Variants in SYNPO2 observed in about 807,000 individuals in gnomAD.
The protein encoded by SYNPO2 is synaptopodin 2, also known as synaptopodin-2.
A neutral mutation model predicts 85.0 loss-of-function variants in SYNPO2; 56 were observed. The ratio of observed to expected loss-of-function variants is 0.66; its 90% CI spans 0.53 to 0.82. The LOEUF is 0.82. SYNPO2 is among the 40% of genes least tolerant of loss of function. The probability of loss-of-function intolerance (pLI) is 0.00; values close to 1 mark genes in which losing one functional copy is unlikely to be tolerated. For synonymous variants in SYNPO2, 602 were observed against 591.1 expected, an observed-to-expected ratio of 1.02 and a Z score of -0.27; for missense variants, 1,575 against 1,534.2, an observed-to-expected ratio of 1.03 and a Z score of -0.44.
At chr4:118,875,077 C>T (rs1731879063) in intron 1 of SYNPO2, among the ~76,000 whole-genome samples, 1 of 152,184 alleles carries the variant, frequency 6.6e-6, no homozygotes, top group Admixed American at 6.5e-5. Context: ...TCTCATCATT[C>T]AGCTCCCACT....
chr4:119,034,992 T>C, intron 4 of SYNPO2: 6 of 985,474 alleles, frequency 6.1e-6, no homozygotes, highest in Non-Finnish European at 7.2e-6. Flanking sequence ...CCTTTGTCCT[T>C]AGCATAATTT....
intron 1 of SYNPO2, among the ~76,000 whole-genome samples, chr4:118,994,002 G>A (rs1736499331): frequency 6.6e-6 from 1 of 152,176 alleles, no homozygotes; most frequent in African/African-American, 2.4e-5. Flanking sequence ...CCCCTGAGCT[G>A]ATTAATAGTT....
At chr4:119,038,335 C>A in intron 4 of SYNPO2, 1 of 984,326 alleles carries the variant, frequency 1.0e-6, no homozygotes, top group South Asian at 4.7e-5. Flanking sequence ...AAAGTGAAAA[C>A]CCATCTCTGA....
intron 1 of SYNPO2, among the ~76,000 whole-genome samples, chr4:119,000,971 CAGTGA>C (rs1304259668): frequency 2.0e-5 from 3 of 152,206 alleles, no homozygotes; most frequent in African/African-American, 4.8e-5. Flanking sequence ...CATATGAGTG[CAGTGA>C]AGTGAAGTTA....
chr4:118,879,459 G>T lies in SYNPO2; in HGVS notation c.12+28519G>T, dbSNP rs1314658036. On this transcript the variant is annotated intron_variant, in intron 1 of 4. Coordinates refer to the SYNPO2 transcript ENST00000610556. ...ATAGAGCCCTTGTGAATGGATTAGT[G>T]CCCCTGTAAGACGAGAGACACAAGA... is the stretch of plus-strand genomic sequence containing the variant. 2.0e-5 allele frequency among the ~76,000 whole-genome samples: 3 copies of T among 152,154 alleles called. No individual in the cohort carries two copies. The East Asian group carries it at 5.8e-4, about 29-fold the overall frequency.
At chr4:118,968,465 A>G (rs1459446204) in intron 1 of SYNPO2, among the ~76,000 whole-genome samples, 1 of 152,138 alleles carries the variant, frequency 6.6e-6, no homozygotes, top group Non-Finnish European at 1.5e-5. Flanking sequence ...CACTCTCCCA[A>G]CTCAGTAGGA....
At chr4:119,019,750 G>A (rs985604869) in intron 1 of SYNPO2, among the ~76,000 whole-genome samples, 10 of 152,172 alleles carry the variant, frequency 6.6e-5, no homozygotes, top group African/African-American at 1.7e-4. Context: ...ACTCATCTAG[G>A]TTTAGACAGG....
At chr4:118,945,391 C>A (rs540139552) in intron 1 of SYNPO2, among the ~76,000 whole-genome samples, 114 of 152,190 alleles carry the variant, frequency 7.5e-4, no homozygotes, top group Non-Finnish European at 1.3e-3. Flanking sequence ...TGCAAATGCC[C>A]CCAAATGGGA....
Position 119,057,994 on chromosome 4 carries a change from G to A in SYNPO2, c.*60G>A. The A allele has an allele frequency of 6.5e-7, 1 of 1,529,898 alleles. No homozygotes were observed. Among genetic ancestry groups the A allele is most frequent in the Non-Finnish European group, 8.8e-7 (1 of 1,140,538 alleles). The allele number at this position is 1,529,898 out of a possible 1,614,324, so 94.8% of individuals were successfully genotyped here. On this transcript the variant is annotated 3_prime_UTR_variant, in exon 5 of 5. Transcript: ENST00000307142. ...TTTTTAAAAAAAACGCTCCTTTGTAGGGTTTTAAACTTTTCTAATAGATTT... is the reference window on the plus strand; with the variant it reads ...TTTTTAAAAAAAACGCTCCTTTGTAAGGTTTTAAACTTTTCTAATAGATTT...
At chr4:119,016,417 C>CA (rs11444354) in intron 1 of SYNPO2, among the ~76,000 whole-genome samples, 91,089 of 139,604 alleles carry the variant, frequency 0.65, 28,895 homozygotes, top group Middle Eastern at 0.74. Flanking sequence ...GACTCCATTT[C>CA]AAAAAAAAAA....
At chr4:118,960,778 G>C (rs996060525) in intron 1 of SYNPO2, among the ~76,000 whole-genome samples, 3 of 152,192 alleles carry the variant, frequency 2.0e-5, no homozygotes, top group East Asian at 1.9e-4. Context: ...TTAGACCCAA[G>C]TACTCCATGG....
chr4:118,889,287 T>G, intron 1 of SYNPO2, 146 bp downstream of exon 1: 1 of 766,682 alleles, frequency 1.3e-6, no homozygotes, highest in Non-Finnish European at 2.1e-6. Context: ...GGAAGTGAGT[T>G]ATTTTCTAAG....
In SYNPO2 at chr4:119,029,958, T is replaced by C. The variant is rs1738142909; in HGVS notation, c.1183T>C (p.Leu395=). The change falls in exon 4 of 5, where the codon TTG becomes CTG. Residue 395 remains leucine, a synonymous_variant. Transcript: ENST00000307142. Reference sequence around the variant, plus strand: ...TCCCAACCCCAACTCCAAGGGGGTGTTGATGTTTAAGAAGCGACGTCGGAG... The same window carrying C: ...TCCCAACCCCAACTCCAAGGGGGTGCTGATGTTTAAGAAGCGACGTCGGAG... ...DAPNPNSKGV[L]MFKKRRRRAR... The C allele has an allele frequency of 6.2e-7, 1 of 1,613,800 alleles. No homozygotes were observed. The highest frequency in any genetic ancestry group is 1.3e-5 in the African/African-American group (1 of 74,822).
chr4:118,948,641 G>A (rs1034907087), intron 1 of SYNPO2, among the ~76,000 whole-genome samples: 2 of 152,092 alleles, frequency 1.3e-5, no homozygotes, highest in African/African-American at 4.8e-5. Flanking sequence ...AAGGGGAGCA[G>A]GCATCAATTG....
chr4:118,917,945 C>T (rs1290804019), intron 1 of SYNPO2, among the ~76,000 whole-genome samples: 1 of 152,088 alleles, frequency 6.6e-6, no homozygotes, highest in Non-Finnish European at 1.5e-5. Flanking sequence ...TAAATTTTTA[C>T]ATTCTGTCAC....
intron 1 of SYNPO2, among the ~76,000 whole-genome samples, chr4:118,897,109 G>A (rs900987175): frequency 2.6e-5 from 4 of 152,136 alleles, no homozygotes; most frequent in African/African-American, 7.2e-5. Context: ...TCACATGGCT[G>A]GGGAGGCCTC....
At chr4:118,876,667 CTCTTTCTT>C (rs58409340) in intron 1 of SYNPO2, among the ~76,000 whole-genome samples, 18,880 of 111,636 alleles carry the variant, frequency 0.17, 1,720 homozygotes, top group Non-Finnish European at 0.18. Flanking sequence ...TCCTTCCTTT[CTCTTTCTT>C]TCTTTCTTTC....
intron 1 of SYNPO2, among the ~76,000 whole-genome samples, chr4:119,022,269 T>G (rs1012003332): frequency 1.3e-5 from 2 of 152,138 alleles, no homozygotes; most frequent in Non-Finnish European, 2.9e-5. Flanking sequence ...ATTTTAAAAT[T>G]TATTGTAATG....
intron 1 of SYNPO2, among the ~76,000 whole-genome samples, chr4:118,979,670 T>C (rs1735935145): frequency 6.6e-6 from 1 of 152,220 alleles, no homozygotes; most frequent in Admixed American, 6.5e-5. Context: ...CTATACTATA[T>C]TTTCAGCACA....
Sources: allele counts gnomAD v4.1 joint callset (sites outside exome capture counted in the v4.1 genomes callset), GRCh38; gene constraint gnomAD v4.1.1; transcripts MANE v1.5; gene names NCBI Gene and HGNC (gene_info 2026-07-23, HGNC 2026-07-21).